The following BANK1 variants were observed in gnomAD, a reference collection of about 807,000 sequenced individuals.
BANK1 encodes B-cell scaffold protein with ankyrin repeats.
Under a neutral mutation model 94.5 loss-of-function variants are expected in BANK1, and 95 were observed. That is an observed-to-expected ratio of 1.00 (90% CI 0.85 to 1.19). The LOEUF (loss-of-function observed/expected upper bound fraction) is 1.19. Among genes scored for constraint, BANK1 ranks in the 50% most tolerant of loss-of-function variants. BANK1 has a pLI of 0.00. For missense variants in BANK1, 987 were observed against 932.2 expected (o/e 1.06, Z -0.77); for synonymous variants, 334 against 308.4 (o/e 1.08, Z -0.87).
chr4:101,846,771 A>T (rs748921680), intron 2 of BANK1, among the ~76,000 whole-genome samples: 1 of 152,138 alleles, frequency 6.6e-6, no homozygotes, highest in Non-Finnish European at 1.5e-5. Context: ...CTCCTACCAG[A>T]TTCCTCCCTT....
At chr4:101,893,442 A>G (rs1289859850) in intron 5 of BANK1, among the ~76,000 whole-genome samples, 3 of 152,094 alleles carry the variant, frequency 2.0e-5, no homozygotes, top group African/African-American at 7.2e-5. Flanking sequence ...TCATGTAAAA[A>G]TGTCAATGGC....
intron 1 of BANK1, among the ~76,000 whole-genome samples, chr4:101,804,308 C>T (rs929057380): frequency 4.6e-5 from 7 of 152,148 alleles, no homozygotes; most frequent in African/African-American, 1.7e-4. Context: ...CCTGTTGCTA[C>T]TGCAGTGAGA....
intron 7 of BANK1, among the ~76,000 whole-genome samples, chr4:101,961,667 T>C (rs1202276469): frequency 1.3e-5 from 2 of 152,190 alleles, no homozygotes; most frequent in Non-Finnish European, 2.9e-5. Context: ...GAAAGTCAGC[T>C]TGCTTTAGGT....
intron 7 of BANK1, among the ~76,000 whole-genome samples, chr4:101,937,113 T>C (rs928770022): frequency 3.3e-5 from 5 of 151,698 alleles, no homozygotes; most frequent in African/African-American, 1.2e-4. Context: ...GAAGTACTAT[T>C]CAGCCATAAA....
At position 101,928,103 on chromosome 4, in the gene BANK1, A is replaced by G. The variant is rs542255184; in HGVS notation, c.1206+9914A>G. Among the ~76,000 whole-genome samples the G allele has an allele frequency of 6.6e-5, 10 of 151,794 alleles. No homozygotes were observed. The South Asian group carries it at 1.0e-3, about 16-fold the overall frequency. ...TTTCTCCTTAAAAATTAGTTATCAT[A>G]ATAATAAGCCTTTCCAAATATTGGA... On this transcript the variant is annotated intron_variant, in intron 7 of 16. Transcript: ENST00000322953.
intron 7 of BANK1, among the ~76,000 whole-genome samples, chr4:101,994,315 T>C (rs1380285325): frequency 2.6e-5 from 4 of 152,202 alleles, no homozygotes; most frequent in South Asian, 2.1e-4. Context: ...ATGCTTATTG[T>C]ATTCACAGAC....
intron 4 of BANK1, among the ~76,000 whole-genome samples, chr4:101,869,817 A>G (rs1019475042): frequency 2.0e-5 from 3 of 151,976 alleles, no homozygotes; most frequent in African/African-American, 7.2e-5. Context: ...TAACTTTTTT[A>G]TTGAAATGAT....
rs1560696774 is a variant in BANK1, at chr4:102,030,061, G to A, written c.1696G>A (p.Glu566Lys). 2.5e-6 allele frequency: 4 copies of A among 1,613,822 alleles called. No homozygotes were observed. The South Asian group carries it at 4.4e-5, about 18-fold the overall frequency. Reference sequence around the variant, plus strand: ...ACCCAAAGGAGAAAAAGAGAAGAAAGAAGAGGAAAAAGAGCAGGAGGAGGA... The same window carrying A: ...ACCCAAAGGAGAAAAAGAGAAGAAAAAAGAGGAAAAAGAGCAGGAGGAGGA... ...DEPKGEKEKKEEEKEQEEEED... is the reference protein window; with the variant it reads ...DEPKGEKEKKKEEKEQEEEED... The change falls in exon 10 of 17, where the codon GAA becomes AAA. Residue 566 changes from glutamate (E) to lysine (K), a missense_variant. Physicochemically the swap from Glu to Lys is moderately conservative, Grantham distance 56. Coordinates refer to ENST00000322953, the MANE Select transcript of BANK1 (RefSeq NM_017935.5).
intron 7 of BANK1, among the ~76,000 whole-genome samples, chr4:101,990,473 C>T (rs947280847): frequency 6.6e-6 from 1 of 152,234 alleles, no homozygotes; most frequent in Non-Finnish European, 1.5e-5. Context: ...AAACTTATTG[C>T]TATTGTATTC....
rs762861737 is a variant in BANK1 at position 101,830,243 on chromosome 4, TG to T, written c.469+38del. Reference sequence around the variant, plus strand: ...AAACCTTGTTTGTTTTATTTTTATTTGTTTTTTTTTTTTTGTAATTAAAGAA... The same window carrying T: ...AAACCTTGTTTGTTTTATTTTTATTTTTTTTTTTTTTTTGTAATTAAAGAA... On this transcript the variant is annotated intron_variant, in intron 2 of 16. Transcript: ENST00000322953. 27 of 1,352,066 alleles carry T rather than the reference TG, an allele frequency of 2.0e-5. No homozygotes were observed. The African/African-American group carries it at 3.3e-4, about 16-fold the overall frequency. 83.8% of individuals were successfully genotyped at this position (1,352,066 alleles called of 1,614,324 possible).
At chr4:101,895,248 T>G (rs1722021102) in intron 5 of BANK1, 57 bp from the exon 6 acceptor site, 1 of 983,576 alleles carries the variant, frequency 1.0e-6, no homozygotes, top group Non-Finnish European at 1.5e-6. Flanking sequence ...TGCACTAAAA[T>G]GAGTTTCTAT....
intron 1 of BANK1, among the ~76,000 whole-genome samples, chr4:101,799,640 C>G (rs1394628604): frequency 1.3e-5 from 2 of 152,074 alleles, no homozygotes; most frequent in Admixed American, 1.3e-4. Flanking sequence ...TTTGGGAGGC[C>G]AAGGTGGGCG....
At chr4:101,795,668 T>G (rs10010487) in intron 1 of BANK1, among the ~76,000 whole-genome samples, 123 of 152,276 alleles carry the variant, frequency 8.1e-4, no homozygotes, top group African/African-American at 2.8e-3. Context: ...TGACATAAAA[T>G]TGAGGCAAAA....
chr4:101,871,372 C>T (rs1158098174), intron 5 of BANK1, among the ~76,000 whole-genome samples: 1 of 151,896 alleles, frequency 6.6e-6, no homozygotes, highest in Non-Finnish European at 1.5e-5. Flanking sequence ...TAAAATTTAC[C>T]ATAAAAACCT....
intron 5 of BANK1, among the ~76,000 whole-genome samples, chr4:101,875,282 A>G (rs80122132): frequency 7.2e-5 from 11 of 152,288 alleles, no homozygotes; most frequent in African/African-American, 2.6e-4. Context: ...CTGCCCTATT[A>G]TAACAGAAAA....
intron 8 of BANK1, among the ~76,000 whole-genome samples, chr4:102,024,569 C>CATTT (rs1438168724): frequency 1.3e-5 from 2 of 151,864 alleles, no homozygotes; most frequent in Admixed American, 1.3e-4. Context: ...GGGTAGAATG[C>CATTT]ATTTATAGGT....
At chr4:101,899,872 T>G (rs1035771673) in intron 6 of BANK1, among the ~76,000 whole-genome samples, 7 of 152,208 alleles carry the variant, frequency 4.6e-5, no homozygotes, top group Non-Finnish European at 8.8e-5. Context: ...CAAAGAAATC[T>G]TTTGGCCTCA....
chr4:101,969,919 G>T (rs965329127), intron 7 of BANK1, among the ~76,000 whole-genome samples: 4 of 152,026 alleles, frequency 2.6e-5, no homozygotes, highest in Non-Finnish European at 5.9e-5. Context: ...TCCAATGAAG[G>T]CTTCCTATAG....
At chr4:101,910,237 A>C (rs1722617374) in intron 6 of BANK1, among the ~76,000 whole-genome samples, 1 of 152,198 alleles carries the variant, frequency 6.6e-6, no homozygotes, top group South Asian at 2.1e-4. Context: ...TTTTTATATG[A>C]TGCTGATTCT....
Sources: gnomAD v4.1 joint callset for allele counts (sites outside exome capture counted in the v4.1 genomes callset) on GRCh38, gnomAD v4.1.1 for gene constraint, MANE v1.5 for transcripts, NCBI Gene and HGNC (gene_info 2026-07-23, HGNC 2026-07-21) for gene names.